Variants in PRKCE observed in about 807,000 individuals in gnomAD.
The protein encoded by PRKCE is protein kinase C epsilon type.
In PRKCE, 16 loss-of-function variants were observed where a neutral mutation model predicts 85.4. The ratio of observed to expected loss-of-function variants is 0.19; its 90% CI spans 0.13 to 0.28. The LOEUF (loss-of-function observed/expected upper bound fraction) is 0.28, where lower values mean the gene tolerates loss of function less well. Among genes scored for constraint, PRKCE ranks in the 10% least tolerant of loss-of-function variants. PRKCE has a pLI of 1.00. For synonymous variants in PRKCE, 388 were observed against 371.5 expected, an observed-to-expected ratio of 1.04 and a Z score of -0.51; for missense variants, 573 against 975.2, an observed-to-expected ratio of 0.59 and a Z score of 5.49.
intron 1 of PRKCE, among the ~76,000 whole-genome samples, chr2:45,826,873 C>T (rs533438100): frequency 6.6e-6 from 1 of 152,290 alleles, no homozygotes; most frequent in Non-Finnish European, 1.5e-5. Flanking sequence ...GACCAATTCC[C>T]ATCACCTCCA....
intron 2 of PRKCE, among the ~76,000 whole-genome samples, chr2:45,862,358 T>C (rs1303197939): frequency 6.6e-6 from 1 of 152,216 alleles, no homozygotes; most frequent in Non-Finnish European, 1.5e-5. Flanking sequence ...TGTCACCTCC[T>C]GGATCCCTCT....
chr2:45,951,721 C>G (rs1247982125), intron 2 of PRKCE, among the ~76,000 whole-genome samples: 3 of 152,234 alleles, frequency 2.0e-5, no homozygotes, highest in Non-Finnish European at 4.4e-5. Flanking sequence ...TCTGGTTCTT[C>G]CACACCTCAT....
chr2:45,896,471 C>G (rs998720396), intron 2 of PRKCE, among the ~76,000 whole-genome samples: 6 of 152,182 alleles, frequency 3.9e-5, no homozygotes, highest in Admixed American at 1.3e-4. Flanking sequence ...ATCCACATGC[C>G]TGTTGCCTGT....
chr2:45,842,866 CAA>C (rs1691472223), intron 1 of PRKCE, 132 bp from the exon 2 acceptor site: 2 of 803,808 alleles, frequency 2.5e-6, no homozygotes, highest in Non-Finnish European at 2.1e-6. Context: ...ACCTAGCACT[CAA>C]CACATTGTAG....
intron 10 of PRKCE, among the ~76,000 whole-genome samples, chr2:46,011,178 G>C (rs1052984136): frequency 3.3e-5 from 5 of 152,122 alleles, no homozygotes; most frequent in African/African-American, 1.2e-4. Flanking sequence ...CCTTTTTGAG[G>C]GGTTGGGAGG....
At chr2:45,684,248 T>C (rs1453514457) in intron 1 of PRKCE, among the ~76,000 whole-genome samples, 1 of 152,148 alleles carries the variant, frequency 6.6e-6, no homozygotes, top group Non-Finnish European at 1.5e-5. Context: ...TTCAGGAAAT[T>C]TGTATTTTGA....
chr2:45,848,498 A>G (rs1269750706), intron 2 of PRKCE, among the ~76,000 whole-genome samples: 1 of 152,120 alleles, frequency 6.6e-6, no homozygotes, highest in Non-Finnish European at 1.5e-5. Flanking sequence ...TTTAGTAGAG[A>G]CAGGGTTTTG....
chr2:46,058,611 C>G (rs1041259546), intron 10 of PRKCE, among the ~76,000 whole-genome samples: 2 of 152,154 alleles, frequency 1.3e-5, no homozygotes, highest in East Asian at 3.9e-4. Context: ...GGCGGAGTGT[C>G]GGACTACTCA....
chr2:45,712,137 C>CTTTTTTT lies in PRKCE; in HGVS notation c.348+59710_348+59716dup, dbSNP rs34233761. ...ACCTCTTGCCACTCTACGGCCTGTC[C>CTTTTTTT]TTTTTTTTTTTTTTTTTTTTTTTTT... On this transcript the variant is annotated intron_variant, in intron 1 of 14. Coordinates refer to ENST00000306156, the MANE Select transcript of PRKCE (RefSeq NM_005400.3). Among the ~76,000 whole-genome samples, 4 of 45,838 alleles carry CTTTTTTT rather than the reference C, an allele frequency of 8.7e-5. 1 individual carries two copies. Among genetic ancestry groups the CTTTTTTT allele is most frequent in the Non-Finnish European group, 1.1e-4 (3 of 27,112 alleles). The allele number at this position is 45,838 out of a possible 152,430, so 30.1% of individuals were successfully genotyped here. A position where few individuals can be genotyped will look rare whatever the true frequency, so the allele number is the denominator to read the frequency against.
chr2:45,759,837 T>G (rs1684311927), intron 1 of PRKCE, among the ~76,000 whole-genome samples: 1 of 152,168 alleles, frequency 6.6e-6, no homozygotes, highest in Non-Finnish European at 1.5e-5. Flanking sequence ...TGGAATCTCT[T>G]GGAGGAATCC....
chr2:45,919,560 A>G (rs544987359), intron 2 of PRKCE, among the ~76,000 whole-genome samples: 3 of 152,322 alleles, frequency 2.0e-5, no homozygotes, highest in African/African-American at 7.2e-5. Flanking sequence ...GGGCCACGGC[A>G]CATTCTGTGC....
At chr2:46,160,658 G>A (rs1677666429) in intron 14 of PRKCE, among the ~76,000 whole-genome samples, 1 of 152,162 alleles carries the variant, frequency 6.6e-6, no homozygotes, top group Non-Finnish European at 1.5e-5. Context: ...TCCCAGGCAG[G>A]GAGGATTTGC....
intron 2 of PRKCE, among the ~76,000 whole-genome samples, chr2:45,975,814 T>A (rs941126003): frequency 2.0e-5 from 3 of 152,170 alleles, no homozygotes; most frequent in African/African-American, 7.2e-5. Context: ...GAAACTACTT[T>A]CACTGTGTCA....
chr2:45,843,074 G>A lies in PRKCE; in HGVS notation c.412+11G>A, dbSNP rs371834414. On this transcript the variant is annotated intron_variant, in intron 2 of 14. Coordinates refer to ENST00000306156, the MANE Select transcript of PRKCE (RefSeq NM_005400.3). ...GGTCGTCGGGTGAAGGTAGGAGAGC[G>A]TGACTTCTCATCCCTGTTTTCTTCC... The A allele has an allele frequency of 1.2e-5, 20 of 1,612,518 alleles. No homozygotes were observed. Among genetic ancestry groups the A allele is most frequent in the East Asian group, 2.2e-5 (1 of 44,886 alleles).
At chr2:45,807,271 C>T (rs571571303) in intron 1 of PRKCE, among the ~76,000 whole-genome samples, 1 of 152,230 alleles carries the variant, frequency 6.6e-6, no homozygotes, top group Non-Finnish European at 1.5e-5. Context: ...ATGGCGGATG[C>T]TCACACATAA....
chr2:45,659,836 C>A lies in PRKCE; in HGVS notation c.348+7388C>A, dbSNP rs1394274170. Among the ~76,000 whole-genome samples, 5 of 141,670 alleles carry A rather than the reference C, an allele frequency of 3.5e-5. No homozygotes were observed. The South Asian group carries it at 1.2e-3, about 33-fold the overall frequency. 92.9% of individuals were successfully genotyped at this position (141,670 alleles called of 152,430 possible). A position where few individuals can be genotyped will look rare whatever the true frequency, so the allele number is the denominator to read the frequency against. The stretch of plus-strand genomic sequence containing the variant: ...TTATGCTTCATATGCGCCTTTCCTG[C>A]CTTTTTTTTTTTTTACTCTTTACTC... On this transcript the variant is annotated intron_variant, in intron 1 of 14. Transcript: ENST00000306156.
At chr2:45,940,872 A>G (rs895565715) in intron 2 of PRKCE, among the ~76,000 whole-genome samples, 4 of 149,412 alleles carry the variant, frequency 2.7e-5, no homozygotes, top group Non-Finnish European at 4.4e-5. Context: ...CAGCCTGGCC[A>G]ACATGGTGAA....
At chr2:45,972,441 C>A (rs531996761) in intron 2 of PRKCE, among the ~76,000 whole-genome samples, 38 of 152,232 alleles carry the variant, frequency 2.5e-4, no homozygotes, top group South Asian at 1.4e-3. Flanking sequence ...TCGATTGTTT[C>A]CTTTGCTGTG....
intron 1 of PRKCE, among the ~76,000 whole-genome samples, chr2:45,765,010 A>G (rs946855371): frequency 6.6e-6 from 1 of 152,180 alleles, no homozygotes; most frequent in East Asian, 1.9e-4. Flanking sequence ...CATGTGAACC[A>G]TAGCCTTCCT....
Sources: allele counts gnomAD v4.1 joint callset (sites outside exome capture counted in the v4.1 genomes callset), GRCh38; gene constraint gnomAD v4.1.1; transcripts MANE v1.5; gene names NCBI Gene and HGNC (gene_info 2026-07-23, HGNC 2026-07-21).